Variants in PRTG observed in about 807,000 individuals in gnomAD.
PRTG encodes immunoglobulin superfamily, DCC subclass, member 5.
A neutral mutation model predicts 122.5 loss-of-function variants in PRTG; 67 were observed. The observed-to-expected ratio is 0.55, with a 90% CI of 0.45 to 0.67. PRTG has a LOEUF of 0.67. Among genes scored for constraint, PRTG ranks in the 30% least tolerant of loss-of-function variants. The probability of loss-of-function intolerance (pLI) is 0.00; values close to 1 mark genes in which losing one functional copy is unlikely to be tolerated. For synonymous variants in PRTG, 554 were observed against 501.1 expected, an observed-to-expected ratio of 1.11 and a Z score of -1.41; for missense variants, 1,435 against 1,415.4, an observed-to-expected ratio of 1.01 and a Z score of -0.22.
chr15:55,677,979 C>A lies in PRTG; in HGVS notation c.1199G>T (p.Ser400Ile). 3 of 1,611,090 alleles carry A rather than the reference C, an allele frequency of 1.9e-6. No homozygotes were observed. Among genetic ancestry groups the A allele is most frequent in the Non-Finnish European group, 2.5e-6 (3 of 1,177,592 alleles). ...DAIYQCMAENSQGSILSRARL... is the reference protein window; with the variant it reads ...DAIYQCMAENIQGSILSRARL... ...GGCTCTAGATAAAATAGATCCTTGG[C>A]TATTCTCAGCCATGCACTGATAAAT... Residue 400 changes from serine (S) to isoleucine (I), a missense_variant, in exon 8 of 20, where the codon AGC becomes ATC. Physicochemically the swap from Ser to Ile is moderately radical, Grantham distance 142. Transcript: ENST00000389286.
chr15:55,677,459 A>C (rs755191506), intron 8 of PRTG, among the ~76,000 whole-genome samples: 13 of 152,172 alleles, frequency 8.5e-5, no homozygotes, highest in Admixed American at 3.3e-4. Flanking sequence ...TACATACATA[A>C]GTTGGTATAT....
chr15:55,629,423 GTGTGTGTGTGTGTAA>G lies in PRTG; in HGVS notation c.2624-434_2624-420del, dbSNP rs1484156037. Among the ~76,000 whole-genome samples, 15 of 141,254 alleles carry G rather than the reference GTGTGTGTGTGTGTAA, an allele frequency of 1.1e-4. 1 individual carries two copies. The highest frequency in any genetic ancestry group is 3.9e-4 in the African/African-American group (14 of 35,488). The allele number at this position is 141,254 out of a possible 152,430, so 92.7% of individuals were successfully genotyped here. A position where few individuals can be genotyped will look rare whatever the true frequency, so the allele number is the denominator to read the frequency against. On this transcript the variant is annotated intron_variant, in intron 15 of 19. Coordinates refer to ENST00000389286, the MANE Select transcript of PRTG (RefSeq NM_173814.6). ...TGTGTGTGTGTGTGTGTGTGTGTGT[GTGTGTGTGTGTGTAA>G]TGTTTTACTCTTTACATAGATATGA...
chr15:55,684,000 A>G lies in PRTG; in HGVS notation c.398-69T>C. ...TAACACTTAGAAGTAACATTACACT[A>G]GATATTACTTATTGGACTTGAACCC... is the stretch of plus-strand genomic sequence containing the variant. On this transcript the variant is annotated intron_variant, in intron 2 of 19. Coordinates refer to ENST00000389286, the MANE Select transcript of PRTG (RefSeq NM_173814.6). The G allele has an allele frequency of 2.3e-6, 3 of 1,313,820 alleles. No homozygotes were observed. The Admixed American group carries it at 5.7e-5, about 25-fold the overall frequency. The allele number at this position is 1,313,820 out of a possible 1,614,324, so 81.4% of individuals were successfully genotyped here. A position where few individuals can be genotyped will look rare whatever the true frequency, so the allele number is the denominator to read the frequency against.
rs2059131305 is a variant in PRTG, at chr15:55,613,907, T to A, written c.*6105A>T. The A allele has an allele frequency of 6.6e-6, 1 of 152,008 alleles. No individual in the cohort carries two copies. The highest frequency in any genetic ancestry group is 2.1e-4 in the South Asian group (1 of 4,828). The allele number at this position is 152,008 out of a possible 1,614,324, so 9.4% of individuals were successfully genotyped here. A position where few individuals can be genotyped will look rare whatever the true frequency, so the allele number is the denominator to read the frequency against. On this transcript the variant is annotated 3_prime_UTR_variant, in exon 20 of 20. Transcript: ENST00000389286. ...CAAGAGATCAGGAAGCTGTTCCTAATCCCTAAAATGCGGATAATACTTGCT... is the reference window on the plus strand; with the variant it reads ...CAAGAGATCAGGAAGCTGTTCCTAAACCCTAAAATGCGGATAATACTTGCT...
chr15:55,714,277 T>G lies in PRTG; in HGVS notation c.397+26105A>C, dbSNP rs566115744. 9.2e-4 allele frequency among the ~76,000 whole-genome samples: 139 copies of G among 150,618 alleles called. 3 individuals are homozygous for G. Among genetic ancestry groups the G allele is most frequent in the Admixed American group, 8.7e-4 (13 of 15,000 alleles). ...TCTTGCTCTGTTGCCCAGGCTGGAG[T>G]GCAGTGGTGATACCATAGCTCAACT... is the stretch of plus-strand genomic sequence containing the variant. On this transcript the variant is annotated intron_variant, in intron 2 of 19. Coordinates refer to ENST00000389286, the MANE Select transcript of PRTG (RefSeq NM_173814.6).
rs1458324920 is a variant in PRTG at position 55,638,429 on chromosome 15, C to T, written c.2452+120G>A. On this transcript the variant is annotated intron_variant, in intron 14 of 19. Transcript: ENST00000389286. Reference sequence around the variant, plus strand: ...GCCAAAAAATGAAACAAAACAAATACATATATCAAGTGGTAGGTGGCAACT... The same window carrying T: ...GCCAAAAAATGAAACAAAACAAATATATATATCAAGTGGTAGGTGGCAACT... The T allele has an allele frequency of 4.7e-6, 3 of 637,846 alleles. No individual in the cohort carries two copies. In the African/African-American group the frequency reaches 5.8e-5, roughly 12 times the overall value. 39.5% of individuals were successfully genotyped at this position (637,846 alleles called of 1,614,324 possible).
intron 2 of PRTG, among the ~76,000 whole-genome samples, chr15:55,722,966 G>T (rs762628143): frequency 3.3e-5 from 5 of 152,174 alleles, no homozygotes; most frequent in Admixed American, 3.3e-4. Context: ...GAGCCCACCA[G>T]CAAGATTAAC....
At chr15:55,661,761 C>T (rs2059411087) in intron 11 of PRTG, among the ~76,000 whole-genome samples, 1 of 152,128 alleles carries the variant, frequency 6.6e-6, no homozygotes, top group African/African-American at 2.4e-5. Context: ...ACCTCCCCAC[C>T]ACCATTGTCT....
chr15:55,672,390 C>T (rs931400773), intron 11 of PRTG, 55 bp downstream of exon 11: 48 of 1,402,186 alleles, frequency 3.4e-5, no homozygotes, highest in Non-Finnish European at 3.3e-5. Flanking sequence ...TAACTTTTTT[C>T]GCAGTTTGTC....
chr15:55,652,764 C>T (rs1403932192), intron 11 of PRTG, among the ~76,000 whole-genome samples: 2 of 152,098 alleles, frequency 1.3e-5, no homozygotes, highest in African/African-American at 4.8e-5. Flanking sequence ...TTGCACAATG[C>T]GATCTGCCTT....
chr15:55,683,864 TGCAAATCGA>T lies in PRTG; in HGVS notation c.456_464del (p.Arg153_Ala155del). 5 of 1,614,010 alleles carry T rather than the reference TGCAAATCGA, an allele frequency of 3.1e-6. No homozygotes were observed. The highest frequency in any genetic ancestry group is 4.2e-6 in the Non-Finnish European group (5 of 1,179,878). On this transcript the variant is annotated inframe_deletion, in exon 3 of 20. Transcript: ENST00000389286. ...CAGGAGGGTGGGATGAAATCTTGCA[TGCAAATCGA>T]GCAACTCCACCTTCGTGGACCTCAG...
chr15:55,674,416 T>A (rs77592550), intron 9 of PRTG, among the ~76,000 whole-genome samples: 1 of 152,164 alleles, frequency 6.6e-6, no homozygotes, highest in African/African-American at 2.4e-5. Context: ...TTCAAGGATA[T>A]AGAGGGAGAA....
In PRTG at chr15:55,621,683, C is replaced by A. The variant is rs570479440; in HGVS notation, c.3094-916G>T. 7.2e-5 allele frequency among the ~76,000 whole-genome samples: 11 copies of A among 152,110 alleles called. No individual in the cohort carries two copies. The South Asian group carries it at 2.1e-3, about 29-fold the overall frequency. On this transcript the variant is annotated intron_variant, in intron 18 of 19. Transcript: ENST00000389286. ...CAAAACAAAACAAACAAACACAAAA[C>A]AGGTAGTACAACATAGTCAAGGTAT... is the stretch of plus-strand genomic sequence containing the variant.
chr15:55,638,053 C>T (rs1057364371), intron 14 of PRTG, among the ~76,000 whole-genome samples: 6 of 152,132 alleles, frequency 3.9e-5, no homozygotes, highest in African/African-American at 1.2e-4. Context: ...AGTCCTTCGT[C>T]CTCATTCTAG....
chr15:55,665,155 G>A (rs1174977840), intron 11 of PRTG, among the ~76,000 whole-genome samples: 1 of 152,064 alleles, frequency 6.6e-6, no homozygotes, highest in Non-Finnish European at 1.5e-5. Context: ...AGCTACTTGG[G>A]AGGCCGAGGG....
chr15:55,717,426 T>A (rs1376883913), intron 2 of PRTG, among the ~76,000 whole-genome samples: 1 of 152,186 alleles, frequency 6.6e-6, no homozygotes, highest in Admixed American at 6.5e-5. Flanking sequence ...CTCCAGTAAT[T>A]CTACGCAAGA....
chr15:55,698,598 T>C (rs2141837751), intron 2 of PRTG, among the ~76,000 whole-genome samples: 1 of 152,230 alleles, frequency 6.6e-6, no homozygotes, highest in Middle Eastern at 3.4e-3. Context: ...GCCCCATTCA[T>C]TACTTCTTCT....
chr15:55,706,582 CAAA>C (rs59227432), intron 2 of PRTG, among the ~76,000 whole-genome samples: 116 of 99,242 alleles, frequency 1.2e-3, no homozygotes, highest in Admixed American at 1.5e-3. Flanking sequence ...TTGTCTCTAC[CAAA>C]AAAAAAAAAA....
intron 2 of PRTG, among the ~76,000 whole-genome samples, chr15:55,738,017 TATATATATACACAC>T (rs2031478680): frequency 5.2e-5 from 6 of 114,834 alleles, no homozygotes; most frequent in African/African-American, 1.8e-4. Context: ...TATATATATA[TATATATATACACAC>T]ACACACACAC....
Sources: allele counts gnomAD v4.1 joint callset (sites outside exome capture counted in the v4.1 genomes callset), GRCh38; gene constraint gnomAD v4.1.1; transcripts MANE v1.5; gene names NCBI Gene and HGNC (gene_info 2026-07-23, HGNC 2026-07-21).